Variants in ROBO3 observed in about 807,000 individuals in gnomAD.
The protein encoded by ROBO3 is roundabout homolog 3.
A neutral mutation model predicts 160.5 loss-of-function variants in ROBO3; 97 were observed. The ratio of observed to expected loss-of-function variants is 0.60; its 90% CI spans 0.51 to 0.72. The LOEUF is 0.72. ROBO3 is among the 30% of genes least tolerant of loss of function. The pLI, the probability that ROBO3 is intolerant of heterozygous loss-of-function variation, is 0.00. For synonymous variants in ROBO3, 780 were observed against 746.2 expected, an observed-to-expected ratio of 1.05 and a Z score of -0.74; for missense variants, 1,858 against 1,846.5, an observed-to-expected ratio of 1.01 and a Z score of -0.11.
chr11:124,881,319 C>G lies in ROBO3; in HGVS notation c.*69C>G, dbSNP rs1017616155. ...GGGAGTAGGGATGTCTTTTCCCCCCCAGCAGTGATGAGTGGGGCTAGCTGA... is the reference window on the plus strand; with the variant it reads ...GGGAGTAGGGATGTCTTTTCCCCCCGAGCAGTGATGAGTGGGGCTAGCTGA... On this transcript the variant is annotated 3_prime_UTR_variant, in exon 28 of 28. Transcript: ENST00000397801. The G allele has an allele frequency of 1.2e-5, 18 of 1,477,912 alleles. No individual in the cohort carries two copies. The highest frequency in any genetic ancestry group is 1.5e-5 in the Non-Finnish European group (16 of 1,075,232). The allele number at this position is 1,477,912 out of a possible 1,614,324, so 91.5% of individuals were successfully genotyped here.
In ROBO3 at chr11:124,878,049, TG is replaced by T; in HGVS notation, c.3104del (p.Gly1035AlafsTer33). 6.2e-7 allele frequency: 1 copy of T among 1,612,670 alleles called. No individual in the cohort carries two copies. The highest frequency in any genetic ancestry group is 8.5e-7 in the Non-Finnish European group (1 of 1,179,458). On this transcript the variant is annotated frameshift_variant, in exon 21 of 28. Transcript: ENST00000397801. LOFTEE classifies it high-confidence loss of function. The surrounding 1 kb of genome is among the most constrained non-coding windows in gnomAD (Gnocchi z 4.3). Reference sequence around the variant, plus strand: ...CGGGGGAGGAGCTGCAGACCTTCCATGGGGGCTTCCCCCAACATCCCTCAGG... The same window carrying T: ...CGGGGGAGGAGCTGCAGACCTTCCATGGGGCTTCCCCCAACATCCCTCAGG... ...PAGEELQTFH[G>X]GFPQHPSGDL...
rs1370557543 is a variant in ROBO3, at chr11:124,868,968, G to A, written c.327G>A (p.Glu109=). The A allele has an allele frequency of 1.2e-6, 2 of 1,603,984 alleles. No homozygotes were observed. Among genetic ancestry groups the A allele is most frequent in the African/African-American group, 2.7e-5 (2 of 74,838 alleles). The change falls in exon 2 of 28, where the codon GAG becomes GAA. Residue 109 remains glutamate (E), a synonymous_variant. Coordinates refer to ENST00000397801, the MANE Select transcript of ROBO3 (RefSeq NM_022370.4). ...KNGARVATVR[E]DPRAHRLLLP... ...GGGCGCGTGTGGCCACTGTGCGGGA[G>A]GATCCGCGTGCGCACCGCCTGCTGC...
At position 124,880,440 on chromosome 11, in the gene ROBO3, C is replaced by A; in HGVS notation, c.3981C>A (p.Ser1327Arg). 3 of 1,613,202 alleles carry A rather than the reference C, an allele frequency of 1.9e-6. No homozygotes were observed. Among genetic ancestry groups the A allele is most frequent in the Non-Finnish European group, 2.5e-6 (3 of 1,179,596 alleles). The change falls in exon 27 of 28, where the codon AGC becomes AGA. Residue 1327 changes from serine (S) to arginine (R), a missense_variant. Transcript: ENST00000397801. ...CAGAAGAGGCCTGGCTCCCATACAG[C>A]AGACCAAGCTTCCTGTCCCGGGGCC... ...HPDEEAWLPY[S>R]RPSFLSRGQG... is the part of the protein sequence containing the mutation.
At position 124,873,912 on chromosome 11, in the gene ROBO3, C is replaced by T. The variant is rs764918570; in HGVS notation, c.1784+50C>T. The stretch of plus-strand genomic sequence containing the variant: ...ACCTGGAGAGTTAAAAGGAGGGGAT[C>T]CTATGCCCTTAGGGTCTTTGCTATT... On this transcript the variant is annotated intron_variant, in intron 11 of 27. Coordinates refer to ENST00000397801, the MANE Select transcript of ROBO3 (RefSeq NM_022370.4). This position sits in a 1 kb window ranked among gnomAD's most constrained non-coding sequence, Gnocchi z 4.5. The T allele has an allele frequency of 1.2e-6, 2 of 1,604,898 alleles. No individual in the cohort carries two copies. Among genetic ancestry groups the T allele is most frequent in the African/African-American group, 1.3e-5 (1 of 74,834 alleles).
chr11:124,869,836 T>C lies in ROBO3; in HGVS notation c.646-112T>C. On this transcript the variant is annotated intron_variant, in intron 3 of 27. Transcript: ENST00000397801. The surrounding 1 kb of genome is among the most constrained non-coding windows in gnomAD (Gnocchi z 4.2). ...AACTTCCTTGGTCTCCTTTATCAGC[T>C]TGCTGTGAGGATCAAATAAACTTTA... 7 of 1,440,016 alleles carry C rather than the reference T, an allele frequency of 4.9e-6. No homozygotes were observed. The highest frequency in any genetic ancestry group is 6.7e-6 in the Non-Finnish European group (7 of 1,052,506). The allele number at this position is 1,440,016 out of a possible 1,614,324, so 89.2% of individuals were successfully genotyped here.
chr11:124,869,384 C>T lies in ROBO3; in HGVS notation c.488-66C>T. 1.4e-6 allele frequency: 2 copies of T among 1,401,962 alleles called. No homozygotes were observed. Among genetic ancestry groups the T allele is most frequent in the Non-Finnish European group, 2.0e-6 (2 of 1,012,710 alleles). The allele number at this position is 1,401,962 out of a possible 1,614,324, so 86.8% of individuals were successfully genotyped here. A position where few individuals can be genotyped will look rare whatever the true frequency, so the allele number is the denominator to read the frequency against. On this transcript the variant is annotated intron_variant, in intron 2 of 27. Transcript: ENST00000397801. The surrounding 1 kb of genome is among the most constrained non-coding windows in gnomAD (Gnocchi z 4.2). ...AACCCCTTCCCAAGACAACACTTTC[C>T]CTGTGTCCTCAGCCAGTTATGTCAC...
chr11:124,878,774 C>T lies in ROBO3; in HGVS notation c.3511C>T (p.Pro1171Ser). ...CCCTCCCCAGCCCCCAACTGACATG[C>T]CCCATCTCCATCAGATGCCCAGGTA... ...PDPPQPPTDMPHLHQMPRRVP... is the reference protein window; with the variant it reads ...PDPPQPPTDMSHLHQMPRRVP... Residue 1171 changes from proline (P) to serine (S), a missense_variant, in exon 23 of 28, where the codon CCC (proline) becomes TCC (serine). Transcript: ENST00000397801. The surrounding 1 kb of genome is among the most constrained non-coding windows in gnomAD (Gnocchi z 4.3). The T allele has an allele frequency of 1.2e-6, 2 of 1,613,268 alleles. No homozygotes were observed. The highest frequency in any genetic ancestry group is 1.7e-6 in the Non-Finnish European group (2 of 1,179,686).
chr11:124,877,221 C>T (rs202161612), intron 18 of ROBO3, 37 bp downstream of exon 18: 12 of 1,613,838 alleles, frequency 7.4e-6, no homozygotes, highest in Admixed American at 1.7e-5. Context: ...TCAGACCCCC[C>T]GGGACGGGCC....
chr11:124,875,451 G>A lies in ROBO3; in HGVS notation c.2300-113G>A, dbSNP rs530434178. On this transcript the variant is annotated intron_variant, in intron 14 of 27. Transcript: ENST00000397801. Reference sequence around the variant, plus strand: ...AGCAGGGTGAGTGGGTGGGAAGGAGGAATGGCTCTCAGTTCCCTAAGATGT... The same window carrying A: ...AGCAGGGTGAGTGGGTGGGAAGGAGAAATGGCTCTCAGTTCCCTAAGATGT... 6.3e-6 allele frequency: 10 copies of A among 1,578,490 alleles called. No homozygotes were observed. The African/African-American group carries it at 9.5e-5, about 15-fold the overall frequency.
At position 124,868,645 on chromosome 11, in the gene ROBO3, T is replaced by C. The variant is rs532388458; in HGVS notation, c.161-157T>C. 52 of 789,402 alleles carry C rather than the reference T, an allele frequency of 6.6e-5. No homozygotes were observed. The African/African-American group carries it at 8.2e-4, about 12-fold the overall frequency. 48.9% of individuals were successfully genotyped at this position (789,402 alleles called of 1,614,324 possible). On this transcript the variant is annotated intron_variant, in intron 1 of 27. Coordinates refer to ENST00000397801, the MANE Select transcript of ROBO3 (RefSeq NM_022370.4). ...CGGAACGTCTGCCAATAAGGACATA[T>C]TGGATCCTGCAGAGGGAGAGGGTAG...
chr11:124,868,125 A>G (rs1946226491), intron 1 of ROBO3, among the ~76,000 whole-genome samples: 1 of 152,190 alleles, frequency 6.6e-6, no homozygotes, highest in Non-Finnish European at 1.5e-5. Flanking sequence ...GAGCCTTACT[A>G]ACATTTCTAC....
intron 17 of ROBO3, 115 bp from the exon 18 acceptor site, chr11:124,877,046 T>TGCA: frequency 3.5e-6 from 4 of 1,153,598 alleles, no homozygotes; most frequent in Non-Finnish European, 5.2e-6. Flanking sequence ...GGGTCCAGGG[T>TGCA]GCAGCCTGAG....
intron 1 of ROBO3, among the ~76,000 whole-genome samples, chr11:124,867,751 G>T (rs1181792690): frequency 1.5e-4 from 22 of 145,662 alleles, no homozygotes; most frequent in African/African-American, 5.3e-4. Context: ...GAAGCGGGAG[G>T]TTCCTGCAGA....
Position 124,880,550 on chromosome 11 carries a change from G to A in ROBO3, c.4091G>A (p.Ser1364Asn). 6.5e-7 allele frequency: 1 copy of A among 1,534,174 alleles called. No individual in the cohort carries two copies. Among genetic ancestry groups the A allele is most frequent in the Non-Finnish European group, 8.7e-7 (1 of 1,146,224 alleles). Residue 1364 changes from serine (S) to asparagine (N), a missense_variant, in exon 27 of 28, where the codon AGC (serine) becomes AAC (asparagine). Ser to Asn is a conservative substitution (Grantham distance 46). Coordinates refer to ENST00000397801, the MANE Select transcript of ROBO3 (RefSeq NM_022370.4). ...AGGGGCTCCCGGGGCCCTGGCCGGA[G>A]CCGGAGTCGGAGTCAGAGCCGGAGC... ...SSRGSRGPGR[S>N]RSRSQSRSQS...
chr11:124,868,252 T>A (rs1177728189), intron 1 of ROBO3, among the ~76,000 whole-genome samples: 1 of 152,190 alleles, frequency 6.6e-6, no homozygotes, highest in Non-Finnish European at 1.5e-5. Flanking sequence ...TGACAAGCCC[T>A]TCTAGGCCCG....
chr11:124,871,572 A>T (rs556373791), intron 7 of ROBO3, among the ~76,000 whole-genome samples: 10 of 152,322 alleles, frequency 6.6e-5, no homozygotes, highest in Admixed American at 6.5e-4. Flanking sequence ...GCAACAAGGG[A>T]CTTTCACAAA....
rs1946480480 is a variant in ROBO3 at position 124,878,898 on chromosome 11, G to T, written c.3533+102G>T. On this transcript the variant is annotated intron_variant, in intron 23 of 27. Coordinates refer to ENST00000397801, the MANE Select transcript of ROBO3 (RefSeq NM_022370.4). This position sits in a 1 kb window ranked among gnomAD's most constrained non-coding sequence, Gnocchi z 4.3. ...TGGATGGATGGGTGGATGGATCTGG[G>T]GTACAGAGGTCTCAGGGCTGTGTCA... 2.9e-6 allele frequency: 3 copies of T among 1,034,698 alleles called. No homozygotes were observed. In the South Asian group the frequency reaches 4.5e-5, roughly 16 times the overall value. 64.1% of individuals were successfully genotyped at this position (1,034,698 alleles called of 1,614,324 possible).
At chr11:124,880,728 G>A (rs910742447) in intron 27 of ROBO3, 120 bp downstream of exon 27, 14 of 1,375,262 alleles carry the variant, frequency 1.0e-5, no homozygotes, top group South Asian at 6.2e-5. Flanking sequence ...GGAGGGGATC[G>A]AGAGGGTGAG....
At chr11:124,880,669 G>T in intron 27 of ROBO3, 61 bp downstream of exon 27, 1 of 1,456,524 alleles carries the variant, frequency 6.9e-7, no homozygotes, top group East Asian at 2.5e-5. Flanking sequence ...GGACCAAGGC[G>T]TAATGGAAAA....
Sources: gnomAD v4.1 joint callset for allele counts (sites outside exome capture counted in the v4.1 genomes callset) on GRCh38, gnomAD v4.1.1 for gene constraint, Gnocchi (gnomAD v3.1) non-coding constraint, MANE v1.5 for transcripts, NCBI Gene and HGNC (gene_info 2026-07-23, HGNC 2026-07-21) for gene names.